RBFOX3: variants seen among roughly 807,000 people sequenced by gnomAD.
The protein encoded by RBFOX3 is RNA binding fox-1 homolog 3.
A neutral mutation model predicts 48.7 loss-of-function variants in RBFOX3; 17 were observed. That is an observed-to-expected ratio of 0.35 (90% confidence interval 0.24 to 0.52). The LOEUF (loss-of-function observed/expected upper bound fraction) is 0.52. Among genes scored for constraint, RBFOX3 ranks in the 20% least tolerant of loss-of-function variants. The pLI, the probability that RBFOX3 is intolerant of heterozygous loss-of-function variation, is 0.94. For synonymous variants in RBFOX3, 212 were observed against 209.5 expected (o/e 1.01, Z -0.10); for missense variants, 382 against 497.5 (o/e 0.77, Z 2.21).
At chr17:79,335,737 G>T (rs2081092207) in intron 2 of RBFOX3, among the ~76,000 whole-genome samples, 1 of 152,124 alleles carries the variant, frequency 6.6e-6, no homozygotes, top group South Asian at 2.1e-4. Context: ...TGCTCCACCT[G>T]AGCCCCTCCA....
At chr17:79,573,334 C>T (rs1271835279) in intron 1 of RBFOX3, among the ~76,000 whole-genome samples, 1 of 152,218 alleles carries the variant, frequency 6.6e-6, no homozygotes, top group Non-Finnish European at 1.5e-5. Context: ...AGGAGCTGCA[C>T]GCAGCACTGC....
intron 1 of RBFOX3, among the ~76,000 whole-genome samples, chr17:79,573,515 C>A (rs1313985682): frequency 6.6e-6 from 1 of 152,142 alleles, no homozygotes; most frequent in Non-Finnish European, 1.5e-5. Context: ...GGGCTCCAGG[C>A]AAGGAGAGAG....
intron 1 of RBFOX3, among the ~76,000 whole-genome samples, chr17:79,548,556 A>C (rs576581003): frequency 1.1e-4 from 16 of 152,324 alleles, no homozygotes; most frequent in Admixed American, 9.2e-4. Context: ...CTGTCTCAGG[A>C]GGTCCGAGAA....
At chr17:79,512,521 C>G (rs1555781680) in intron 1 of RBFOX3, among the ~76,000 whole-genome samples, 1 of 144,406 alleles carries the variant, frequency 6.9e-6, no homozygotes, top group Non-Finnish European at 1.5e-5. Flanking sequence ...GGACACCCAC[C>G]CAGATACATG....
chr17:79,317,752 A>T (rs541633723), intron 2 of RBFOX3, among the ~76,000 whole-genome samples: 1 of 152,016 alleles, frequency 6.6e-6, no homozygotes, highest in Non-Finnish European at 1.5e-5. Context: ...AAGAATCACA[A>T]TCTTAAAAAA....
At chr17:79,396,512 G>C (rs1470205585) in intron 2 of RBFOX3, among the ~76,000 whole-genome samples, 2 of 152,146 alleles carry the variant, frequency 1.3e-5, no homozygotes, top group East Asian at 1.9e-4. Flanking sequence ...AGGGGGAAAG[G>C]ACCTCCTTCC....
At chr17:79,259,804 C>A (rs1448739129) in intron 3 of RBFOX3, among the ~76,000 whole-genome samples, 1 of 152,192 alleles carries the variant, frequency 6.6e-6, no homozygotes, top group African/African-American at 2.4e-5. Flanking sequence ...AGGGGCTCTG[C>A]AGCAGGCGCC....
chr17:79,161,271 G>C (rs2046929274), intron 4 of RBFOX3, among the ~76,000 whole-genome samples: 1 of 152,178 alleles, frequency 6.6e-6, no homozygotes, highest in Admixed American at 6.5e-5. Flanking sequence ...CACGAGTCAA[G>C]TCGCAGAGCC....
chr17:79,157,123 C>A (rs2045984004), intron 4 of RBFOX3, among the ~76,000 whole-genome samples: 1 of 152,192 alleles, frequency 6.6e-6, no homozygotes, highest in South Asian at 2.1e-4. Context: ...AGAAACCCCT[C>A]CGGTGTCCTC....
chr17:79,144,048 AGAG>A (rs2042498855), intron 4 of RBFOX3, among the ~76,000 whole-genome samples: 1 of 152,238 alleles, frequency 6.6e-6, no homozygotes, highest in African/African-American at 2.4e-5. Flanking sequence ...GACACCCTCC[AGAG>A]GAGGACACAT....
At chr17:79,219,074 C>T (rs1001140836) in intron 4 of RBFOX3, among the ~76,000 whole-genome samples, 10 of 152,348 alleles carry the variant, frequency 6.6e-5, no homozygotes, top group African/African-American at 1.4e-4. Context: ...GGCACCTGTG[C>T]GGGGTCAGGC....
chr17:79,478,745 T>A (rs1420586017), intron 2 of RBFOX3, among the ~76,000 whole-genome samples: 1 of 152,218 alleles, frequency 6.6e-6, no homozygotes. Context: ...CCTGTGGACC[T>A]GAAAGACCCA....
At chr17:79,099,651 C>T (rs1474300144) in intron 9 of RBFOX3, 1 of 152,244 alleles carries the variant, frequency 6.6e-6, no homozygotes, top group Non-Finnish European at 1.5e-5. Context: ...ATTCTGGCTT[C>T]CTGGATGCCT....
chr17:79,512,609 G>A (rs1555781742), intron 1 of RBFOX3, among the ~76,000 whole-genome samples: 3 of 150,094 alleles, frequency 2.0e-5, no homozygotes, highest in Admixed American at 2.0e-4. Flanking sequence ...CCCATGGCCA[G>A]GGGACGCACA....
intron 1 of RBFOX3, among the ~76,000 whole-genome samples, chr17:79,521,604 C>T (rs930853925): frequency 2.0e-5 from 3 of 151,956 alleles, no homozygotes; most frequent in Non-Finnish European, 2.9e-5. Flanking sequence ...CATGCAGACA[C>T]GTGTAGACAC....
chr17:79,102,220 G>A (rs1363399747), intron 8 of RBFOX3, among the ~76,000 whole-genome samples: 3 of 152,230 alleles, frequency 2.0e-5, no homozygotes, highest in Non-Finnish European at 2.9e-5. Context: ...ATATGCCTGG[G>A]TGAGGCTGTC....
intron 4 of RBFOX3, among the ~76,000 whole-genome samples, chr17:79,179,401 A>G (rs1385047890): frequency 6.6e-6 from 1 of 152,144 alleles, no homozygotes; most frequent in Non-Finnish European, 1.5e-5. Context: ...GGTGATGTTT[A>G]CCTCAGCAAG....
intron 1 of RBFOX3, among the ~76,000 whole-genome samples, chr17:79,561,582 T>C (rs1024432415): frequency 0.061 from 9,300 of 152,182 alleles, 710 homozygotes; most frequent in East Asian, 0.19. Flanking sequence ...CCGCTGAAAC[T>C]GAAAAGCGGT....
intron 2 of RBFOX3, among the ~76,000 whole-genome samples, chr17:79,356,354 T>G (rs1412208854): frequency 2.3e-5 from 1 of 42,558 alleles, no homozygotes; most frequent in Non-Finnish European, 3.9e-5. Context: ...GGAAGTTTTT[T>G]TTTTTTTTTT....
Sources: allele counts gnomAD v4.1 joint callset (sites outside exome capture counted in the v4.1 genomes callset), GRCh38; gene constraint gnomAD v4.1.1; transcripts MANE v1.5; gene names NCBI Gene and HGNC (gene_info 2026-07-23, HGNC 2026-07-21).